PSMD2: variants seen among roughly 807,000 people sequenced by gnomAD.
The protein encoded by PSMD2 is 26S proteasome non-ATPase regulatory subunit 2.
Under a neutral mutation model 101.5 loss-of-function variants are expected in PSMD2, and 8 were observed. The observed-to-expected ratio is 0.08, with a 90% CI of 0.05 to 0.14. The LOEUF is 0.14. Among genes scored for constraint, PSMD2 ranks in the 10% least tolerant of loss-of-function variants. PSMD2 has a pLI of 1.00. For synonymous variants in PSMD2, 418 were observed against 433.8 expected (o/e 0.96, Z 0.45); for missense variants, 784 against 1,147.4 (o/e 0.68, Z 4.58).
At chr3:184,303,198 G>C (rs1338182655) in intron 8 of PSMD2, 122 bp from the exon 9 acceptor site, 9 of 1,498,026 alleles carry the variant, frequency 6.0e-6, no homozygotes, top group Non-Finnish European at 7.4e-6. Context: ...ACTGCTTGGG[G>C]GGGTATAGGT....
intron 10 of PSMD2, 33 bp downstream of exon 10, chr3:184,303,782 TC>T: frequency 1.2e-6 from 2 of 1,609,504 alleles, no homozygotes; most frequent in Admixed American, 3.3e-5. Flanking sequence ...CATGGGGACT[TC>T]CCCGTTCCAT....
chr3:184,300,222 A>G, intron 2 of PSMD2, 58 bp from the exon 3 acceptor site: 1 of 1,485,172 alleles, frequency 6.7e-7, no homozygotes, highest in Non-Finnish European at 9.2e-7. Context: ...ATATCTCTGT[A>G]TTATGACTTG....
Position 184,306,400 on chromosome 3 carries a change from C to T in PSMD2, c.1855C>T (p.His619Tyr). The change falls in exon 15 of 21, where the codon CAC becomes TAC. Residue 619 changes from histidine to tyrosine, a missense_variant. This residue lies in a region of PSMD2 where 282 missense variants were observed against 437.6 expected (regional missense o/e 0.64). Transcript: ENST00000310118. ...VQQLLHICSE[H>Y]FDSKEKEEDK... ...GCAGCTGCTCCACATTTGTAGCGAACACTTTGACTCCAAAGAGAAGGAGGA... is the reference window on the plus strand; with the variant it reads ...GCAGCTGCTCCACATTTGTAGCGAATACTTTGACTCCAAAGAGAAGGAGGA... 6.2e-7 allele frequency: 1 copy of T among 1,614,164 alleles called. No homozygotes were observed. Among genetic ancestry groups the T allele is most frequent in the Non-Finnish European group, 8.5e-7 (1 of 1,180,030 alleles).
chr3:184,307,945 G>A lies in PSMD2; in HGVS notation c.2354G>A (p.Arg785Gln), dbSNP rs773435635. ...ACCCTCTGCCCCTACCACAGCGACC[G>A]GCAGCTTATGAGCCAGGTGGCCGTG... ...TLTLCPYHSD[R>Q]QLMSQVAVAG... Residue 785 changes from arginine (R) to glutamine (Q), a missense_variant, in exon 19 of 21, where the codon CGG (arginine) becomes CAG (glutamine). Arg to Gln is a conservative substitution (Grantham distance 43, BLOSUM62 1). This residue lies in a region of PSMD2 where 282 missense variants were observed against 437.6 expected (regional missense o/e 0.64). Coordinates refer to ENST00000310118, the MANE Select transcript of PSMD2 (RefSeq NM_002808.5). The A allele has an allele frequency of 6.2e-6, 10 of 1,614,088 alleles. No homozygotes were observed. In the Admixed American group the frequency reaches 8.3e-5, roughly 13 times the overall value.
rs1721698641 is a variant in PSMD2 at position 184,302,990 on chromosome 3, A to ACTT, written c.1009-9_1009-7dup. 1 of 1,613,856 alleles carries ACTT rather than the reference A, an allele frequency of 6.2e-7. No individual in the cohort carries two copies. The highest frequency in any genetic ancestry group is 1.7e-5 in the Admixed American group (1 of 59,972). On this transcript the variant is annotated splice_polypyrimidine_tract_variant and intron_variant, in intron 7 of 20. Coordinates refer to ENST00000310118, the MANE Select transcript of PSMD2 (RefSeq NM_002808.5). ...CTAGGGAAGCAATTGTGACCCTCTG[A>ACTT]CTTCTCTTCAGCTGGACATCATGGA...
intron 15 of PSMD2, 90 bp from the exon 16 acceptor site, chr3:184,306,661 T>A: frequency 6.5e-7 from 1 of 1,527,092 alleles, no homozygotes; most frequent in South Asian, 1.2e-5. Context: ...CCCCACAGGA[T>A]GGCTTTTTAT....
rs751758962 is a variant in PSMD2, at chr3:184,306,036, C to A, written c.1703-18C>A. On this transcript the variant is annotated intron_variant, in intron 13 of 20. Transcript: ENST00000310118. ...GATGGAGGCAAGTATCCTCTGACCCCTTGAATCTGTCCTGTAGGGAAGGGT... is the reference window on the plus strand; with the variant it reads ...GATGGAGGCAAGTATCCTCTGACCCATTGAATCTGTCCTGTAGGGAAGGGT... The A allele has an allele frequency of 1.2e-6, 2 of 1,614,120 alleles. No homozygotes were observed. Among genetic ancestry groups the A allele is most frequent in the Non-Finnish European group, 8.5e-7 (1 of 1,179,956 alleles).
intron 9 of PSMD2, 46 bp downstream of exon 9, chr3:184,303,512 T>A: frequency 6.2e-7 from 1 of 1,608,272 alleles, no homozygotes; most frequent in South Asian, 1.1e-5. Flanking sequence ...TTTGATCACT[T>A]CTTTTGTCCT....
rs1388218531 is a variant in PSMD2, at chr3:184,304,683, C to G, written c.1539+292C>G. On this transcript the variant is annotated intron_variant, in intron 12 of 20. Coordinates refer to ENST00000310118, the MANE Select transcript of PSMD2 (RefSeq NM_002808.5). The surrounding 1 kb of genome is among the most constrained non-coding windows in gnomAD (Gnocchi z 4.1). ...GGCGGATCACTTGAGCCCAGGAGTT[C>G]GAGACCAACCTGGGCAAGATTGTGA... Among the ~76,000 whole-genome samples the G allele has an allele frequency of 6.6e-6, 1 of 151,918 alleles. No individual in the cohort carries two copies. Among genetic ancestry groups the G allele is most frequent in the Non-Finnish European group, 1.5e-5 (1 of 67,996 alleles).
rs1292613035 is a variant in PSMD2 at position 184,300,663 on chromosome 3, C to A, written c.357+219C>A. 6.8e-6 allele frequency: 9 copies of A among 1,319,322 alleles called. No homozygotes were observed. The African/African-American group carries it at 1.4e-4, about 20-fold the overall frequency. 81.7% of individuals were successfully genotyped at this position (1,319,322 alleles called of 1,614,324 possible). ...TCATGTGTATTGGACTTTGGGGTTTCATTAGCATGGTCTACTTTTAACGTA... is the reference window on the plus strand; with the variant it reads ...TCATGTGTATTGGACTTTGGGGTTTAATTAGCATGGTCTACTTTTAACGTA... On this transcript the variant is annotated intron_variant, in intron 3 of 20. Coordinates refer to ENST00000310118, the MANE Select transcript of PSMD2 (RefSeq NM_002808.5).
At position 184,303,072 on chromosome 3, in the gene PSMD2, C is replaced by A; in HGVS notation, c.1069+10C>A. ...CACCTAGAGAACAACAGTGAGTAGCCCTCTCTGTGTATGGGATTTGGGGGA... is the reference window on the plus strand; with the variant it reads ...CACCTAGAGAACAACAGTGAGTAGCACTCTCTGTGTATGGGATTTGGGGGA... On this transcript the variant is annotated intron_variant, in intron 8 of 20. Coordinates refer to ENST00000310118, the MANE Select transcript of PSMD2 (RefSeq NM_002808.5). The A allele has an allele frequency of 6.2e-7, 1 of 1,611,574 alleles. No individual in the cohort carries two copies. The highest frequency in any genetic ancestry group is 1.3e-5 in the African/African-American group (1 of 74,930).
chr3:184,301,173 TAAAAA>T (rs949485806), intron 3 of PSMD2, among the ~76,000 whole-genome samples: 16 of 142,986 alleles, frequency 1.1e-4, no homozygotes, highest in African/African-American at 4.1e-4. Context: ...TACTAAAAAT[TAAAAA>T]AAAAAAAATT....
chr3:184,306,283 T>G (rs1560196309), intron 14 of PSMD2, 67 bp from the exon 15 acceptor site: 3 of 1,595,056 alleles, frequency 1.9e-6, no homozygotes, highest in Non-Finnish European at 1.7e-6. Context: ...AGACTTCTCC[T>G]GTTTTCCAAA....
At chr3:184,306,244 C>T (rs1047673508) in intron 14 of PSMD2, 89 bp downstream of exon 14, 32 of 1,595,254 alleles carry the variant, frequency 2.0e-5, no homozygotes, top group East Asian at 1.3e-4. Flanking sequence ...TCTCCTTTCT[C>T]CTTCATTCTG....
intron 9 of PSMD2, 80 bp from the exon 10 acceptor site, chr3:184,303,563 G>T: frequency 6.2e-7 from 1 of 1,607,414 alleles, no homozygotes; most frequent in South Asian, 1.1e-5. Context: ...CCACCATGCA[G>T]TTCTTTGGAG....
rs1190989842 is a variant in PSMD2, at chr3:184,299,304, C to T, written c.38C>T (p.Pro13Leu). 2.1e-6 allele frequency: 3 copies of T among 1,404,666 alleles called. No homozygotes were observed. Among genetic ancestry groups the T allele is most frequent in the African/African-American group, 3.0e-5 (2 of 66,086 alleles). The allele number at this position is 1,404,666 out of a possible 1,614,324, so 87.0% of individuals were successfully genotyped here. A position where few individuals can be genotyped will look rare whatever the true frequency, so the allele number is the denominator to read the frequency against. The change falls in exon 1 of 21, where the codon CCC becomes CTC. Residue 13 changes from proline (P) to leucine (L), a missense_variant. Pro to Leu is a moderately conservative substitution (Grantham distance 98). Transcript: ENST00000310118. ...GGCCGGGACAAGGCGCCGGTGCAGC[C>T]CCAGCAGTCTCCAGCGGCGGCCCCC... The part of the protein sequence containing the change: ...EGGRDKAPVQ[P>L]QQSPAAAPGG...
At position 184,306,333 on chromosome 3, in the gene PSMD2, TCACCACCCTGACG is replaced by T; in HGVS notation, c.1805-14_1805-2del. 1 of 1,611,682 alleles carries T rather than the reference TCACCACCCTGACG, an allele frequency of 6.2e-7. No individual in the cohort carries two copies. On this transcript the variant is annotated splice_region_variant and splice_polypyrimidine_tract_variant and intron_variant, in intron 14 of 20. Transcript: ENST00000310118. ...ACTTCTCATTTCTGTCCATTCTCCC[TCACCACCCTGACG>T]CAGGCTCTGGGAATGTGCTGAAGGT...
intron 1 of PSMD2, 86 bp from the exon 2 acceptor site, chr3:184,299,765 C>T: frequency 2.6e-6 from 3 of 1,139,146 alleles, no homozygotes; most frequent in Non-Finnish European, 4.0e-6. Context: ...AGGAGGCAGG[C>T]TTATTCTTCA....
Position 184,304,435 on chromosome 3 carries a change from C to T in PSMD2, c.1539+44C>T, listed in dbSNP as rs1721759686. 6.4e-7 allele frequency: 1 copy of T among 1,555,038 alleles called. No individual in the cohort carries two copies. The highest frequency in any genetic ancestry group is 1.4e-5 in the African/African-American group (1 of 73,662). On this transcript the variant is annotated intron_variant, in intron 12 of 20. Coordinates refer to ENST00000310118, the MANE Select transcript of PSMD2 (RefSeq NM_002808.5). The surrounding 1 kb of genome is among the most constrained non-coding windows in gnomAD (Gnocchi z 4.1). ...GCATTTAGAGTAAGTAGGGAAGGTG[C>T]TTTGAGTCTTACTTTCTGTGATAAA...
Sources: gnomAD v4.1 joint callset for allele counts (sites outside exome capture counted in the v4.1 genomes callset) on GRCh38, gnomAD v4.1.1 for gene constraint, gnomAD v4.1.1 regional missense constraint, Gnocchi (gnomAD v3.1) non-coding constraint, MANE v1.5 for transcripts, NCBI Gene and HGNC (gene_info 2026-07-23, HGNC 2026-07-21) for gene names.